The following TBCD variants were observed in gnomAD, a reference collection of about 807,000 sequenced individuals.
TBCD encodes tubulin folding cofactor D, also known as tubulin-specific chaperone D.
TBCD carries 105 observed loss-of-function variants against 169.3 expected under a neutral mutation model. The observed-to-expected ratio is 0.62, with a 90% confidence interval of 0.53 to 0.73. The LOEUF is 0.73. TBCD is among the 30% of genes least tolerant of loss of function. The probability of loss-of-function intolerance (pLI) is 0.00; values close to 1 mark genes in which losing one functional copy is unlikely to be tolerated. For synonymous variants in TBCD, 700 were observed against 643.9 expected, an observed-to-expected ratio of 1.09 and a Z score of -1.32; for missense variants, 1,444 against 1,600.1, an observed-to-expected ratio of 0.90 and a Z score of 1.66.
At chr17:82,823,512 G>T (rs538497635) in intron 13 of TBCD, among the ~76,000 whole-genome samples, 26 of 152,202 alleles carry the variant, frequency 1.7e-4, no homozygotes, top group African/African-American at 6.0e-4. Context: ...TGTGTTTCGT[G>T]TTGCACTCCG....
intron 35 of TBCD, 79 bp downstream of exon 35, chr17:82,937,439 C>T: frequency 7.8e-7 from 1 of 1,287,950 alleles, no homozygotes; most frequent in East Asian, 2.3e-5. Flanking sequence ...GTCCACGGCT[C>T]CAGGCGGGAG....
intron 35 of TBCD, chr17:82,937,590 C>G: frequency 4.9e-6 from 3 of 606,144 alleles, no homozygotes; most frequent in African/African-American, 1.9e-5. Context: ...CTCTGCTGCC[C>G]TCGCGCTCTG....
intron 12 of TBCD, among the ~76,000 whole-genome samples, chr17:82,811,300 T>C (rs1012761606): frequency 6.6e-6 from 1 of 152,162 alleles, no homozygotes; most frequent in African/African-American, 2.4e-5. Context: ...TCAGGCCTAG[T>C]GCGTCTCCTA....
chr17:82,802,796 A>G (rs571975357), intron 9 of TBCD, among the ~76,000 whole-genome samples: 4 of 152,314 alleles, frequency 2.6e-5, no homozygotes, highest in Admixed American at 1.3e-4. Context: ...AGCCCCTGAC[A>G]CAAGCACTGG....
chr17:82,894,950 C>G (rs1168924843), intron 17 of TBCD, among the ~76,000 whole-genome samples: 1 of 152,222 alleles, frequency 6.6e-6, no homozygotes. Flanking sequence ...GCACTCCAGC[C>G]TGGGTGACAG....
At chr17:82,795,475 C>A (rs1178625164) in intron 7 of TBCD, 3 of 954,022 alleles carry the variant, frequency 3.1e-6, no homozygotes, top group Admixed American at 6.2e-5. Context: ...GGTTTTCCAG[C>A]AGCCTCTGTA....
In TBCD at chr17:82,832,585, G is replaced by GC; in HGVS notation, c.1318+17652dup. The stretch of plus-strand genomic sequence containing the variant: ...TCCCGATCACTTCTATCAGAAGCCA[G>GC]CTCTGCGTGCTGAGGGTCTGGCGAG... On this transcript the variant is annotated intron_variant, in intron 13 of 38. Coordinates refer to ENST00000355528, the MANE Select transcript of TBCD (RefSeq NM_005993.5). The surrounding 1 kb of genome is among the most constrained non-coding windows in gnomAD (Gnocchi z 4.9). The GC allele has an allele frequency of 1.2e-6, 1 of 804,986 alleles. No individual in the cohort carries two copies. The highest frequency in any genetic ancestry group is 1.5e-5 in the South Asian group (1 of 68,060). 49.9% of individuals were successfully genotyped at this position (804,986 alleles called of 1,614,324 possible). A position where few individuals can be genotyped will look rare whatever the true frequency, so the allele number is the denominator to read the frequency against.
At chr17:82,752,441 T>C in intron 1 of TBCD, 64 bp downstream of exon 1, 1 of 1,154,538 alleles carries the variant, frequency 8.7e-7, no homozygotes, top group East Asian at 3.9e-5. Context: ...CTGAGTGCAC[T>C]TTACCGGGCG....
Position 82,900,657 on chromosome 17 carries a change from T to A in TBCD, c.1656T>A (p.Phe552Leu), listed in dbSNP as rs762572482. The A allele has an allele frequency of 2.5e-6, 4 of 1,613,920 alleles. No individual in the cohort carries two copies. In the South Asian group the frequency reaches 4.4e-5, roughly 18 times the overall value. The stretch of plus-strand genomic sequence containing the variant: ...TCCATGCTGTCTTTTCCAGTGTGTT[T>A]ATTGCCGGCTTTCCTGAGTACACGC... ...RSNCFLVISV[F>L]IAGFPEYTQP... Residue 552 changes from phenylalanine to leucine, a missense_variant, in exon 18 of 39, where the codon TTT becomes TTA. By Grantham distance (22) the Phe-to-Leu change is conservative (BLOSUM62 0). Transcript: ENST00000355528.
chr17:82,911,225 C>T (rs137865394), intron 22 of TBCD, among the ~76,000 whole-genome samples: 110 of 152,334 alleles, frequency 7.2e-4, no homozygotes, highest in Non-Finnish European at 1.4e-3. Context: ...CCAACCCTGC[C>T]ACTCTGTGTG....
intron 3 of TBCD, among the ~76,000 whole-genome samples, chr17:82,766,066 G>A (rs1030655160): frequency 1.3e-5 from 2 of 152,066 alleles, no homozygotes; most frequent in Non-Finnish European, 2.9e-5. Context: ...CTGGGATTAC[G>A]GGTGTGAGCC....
In TBCD at chr17:82,840,953, GGTTTTT is replaced by G. The variant is rs1293097938; in HGVS notation, c.1318+26020_1318+26025del. Among the ~76,000 whole-genome samples, 23 of 70,548 alleles carry G rather than the reference GGTTTTT, an allele frequency of 3.3e-4. 1 individual carries two copies. The highest frequency in any genetic ancestry group is 6.4e-4 in the Admixed American group (3 of 4,670). The allele number at this position is 70,548 out of a possible 152,430, so 46.3% of individuals were successfully genotyped here. On this transcript the variant is annotated intron_variant, in intron 13 of 38. Coordinates refer to ENST00000355528, the MANE Select transcript of TBCD (RefSeq NM_005993.5). ...ACGAGCTGGCCAGGACAGACAAACTGGTTTTTTTTTTTTTTTTTTTTTTTTTTTTTG... is the reference window on the plus strand; with the variant it reads ...ACGAGCTGGCCAGGACAGACAAACTGTTTTTTTTTTTTTTTTTTTTTTTTG...
At position 82,922,936 on chromosome 17, in the gene TBCD, C is replaced by T. The variant is rs556269613; in HGVS notation, c.2179-716C>T. On this transcript the variant is annotated intron_variant, in intron 25 of 38. Transcript: ENST00000355528. This position sits in a 1 kb window ranked among gnomAD's most constrained non-coding sequence, Gnocchi z 4.1. ...AGACAGTGGCACTGAGCCCCGCACG[C>T]GGCGGGACTGGTGACTCTCTGCCCG... 3.9e-5 allele frequency among the ~76,000 whole-genome samples: 6 copies of T among 152,354 alleles called. No individual in the cohort carries two copies. Among genetic ancestry groups the T allele is most frequent in the Admixed American group, 2.0e-4 (3 of 15,306 alleles).
chr17:82,784,381 C>T (rs2049156623), intron 7 of TBCD, among the ~76,000 whole-genome samples: 2 of 152,092 alleles, frequency 1.3e-5, no homozygotes, highest in Admixed American at 6.6e-5. Context: ...CGTGCTGGGG[C>T]AGCATCCTCA....
intron 13 of TBCD, among the ~76,000 whole-genome samples, chr17:82,837,117 C>A (rs1038920029): frequency 6.6e-6 from 1 of 152,212 alleles, no homozygotes; most frequent in African/African-American, 2.4e-5. Context: ...ATCTGTAAAA[C>A]TACAATAGTG....
rs540005227 is a variant in TBCD, at chr17:82,887,093, A to G, written c.1534-2575A>G. On this transcript the variant is annotated intron_variant, in intron 15 of 38. Transcript: ENST00000355528. ...ACAGCCTAGAACATTGAGCCAACCC[A>G]CCAGTCTTATTCCTTCTTCCTTGGT... Among the ~76,000 whole-genome samples, 35 of 148,838 alleles carry G rather than the reference A, an allele frequency of 2.4e-4. 1 individual carries two copies. Among genetic ancestry groups the G allele is most frequent in the African/African-American group, 8.7e-4 (35 of 40,420 alleles).
intron 1 of TBCD, among the ~76,000 whole-genome samples, chr17:82,755,350 G>T (rs1321982407): frequency 1.3e-5 from 2 of 152,144 alleles, no homozygotes; most frequent in South Asian, 2.1e-4. Context: ...CTTGGATCAG[G>T]GAAAAGACCT....
intron 13 of TBCD, among the ~76,000 whole-genome samples, chr17:82,850,578 C>CTGTTGGCTGTCCTGT (rs2055706066): frequency 1.7e-5 from 2 of 115,490 alleles, no homozygotes; most frequent in African/African-American, 3.1e-5. Flanking sequence ...GGCTGTGCTG[C>CTGTTGGCTGTCCTGT]TGTTGGCTGT....
At chr17:82,821,477 C>T (rs2052408991) in intron 13 of TBCD, among the ~76,000 whole-genome samples, 1 of 152,202 alleles carries the variant, frequency 6.6e-6, no homozygotes, top group African/African-American at 2.4e-5. Context: ...GTGTTGGTGA[C>T]ATAGGTCTGT....
Sources: gnomAD v4.1 joint callset for allele counts (sites outside exome capture counted in the v4.1 genomes callset) on GRCh38, gnomAD v4.1.1 for gene constraint, Gnocchi (gnomAD v3.1) non-coding constraint, MANE v1.5 for transcripts, NCBI Gene and HGNC (gene_info 2026-07-23, HGNC 2026-07-21) for gene names.